The following TRDMT1 variants were observed in gnomAD, a reference collection of about 807,000 sequenced individuals.
TRDMT1 encodes the protein tRNA (cytosine(38)-C(5))-methyltransferase.
TRDMT1 carries 49 observed loss-of-function variants against 51.2 expected under a neutral mutation model. That is an observed-to-expected ratio of 0.96 (90% CI 0.76 to 1.21). The LOEUF (loss-of-function observed/expected upper bound fraction) is 1.21. TRDMT1 is among the 50% of genes most tolerant of loss of function. The pLI, the probability that TRDMT1 is intolerant of heterozygous loss-of-function variation, is 0.00. For synonymous variants in TRDMT1, 187 were observed against 164.6 expected, an observed-to-expected ratio of 1.14 and a Z score of -1.04; for missense variants, 534 against 462.3, an observed-to-expected ratio of 1.16 and a Z score of -1.42.
chr10:17,168,374 G>A (rs562949164), intron 3 of TRDMT1, among the ~76,000 whole-genome samples: 37 of 151,986 alleles, frequency 2.4e-4, no homozygotes, highest in Admixed American at 3.9e-4. Flanking sequence ...AAAAATTTCC[G>A]AACTATGAAA....
chr10:17,168,935 A>G lies in TRDMT1; in HGVS notation c.175-18T>C. 1 of 1,549,142 alleles carries G rather than the reference A, an allele frequency of 6.5e-7. No homozygotes were observed. The highest frequency in any genetic ancestry group is 8.8e-7 in the Non-Finnish European group (1 of 1,133,562). ...GTAATGCCCTGAGGAATGAACATTT[A>G]GGGGGAAAAAAGAACATAAAAACAT... On this transcript the variant is annotated intron_variant, in intron 2 of 10. Transcript: ENST00000377799.
chr10:17,167,708 T>C (rs932743620), intron 3 of TRDMT1, among the ~76,000 whole-genome samples: 1 of 152,230 alleles, frequency 6.6e-6, no homozygotes, highest in African/African-American at 2.4e-5. Context: ...AATGTACATA[T>C]GAATTTTAAG....
Position 17,144,462 on chromosome 10 carries a change from T to C in TRDMT1, c.*4578A>G, listed in dbSNP as rs1405600347. 3.0e-6 allele frequency: 3 copies of C among 985,718 alleles called. No homozygotes were observed. Among genetic ancestry groups the C allele is most frequent in the South Asian group, 4.7e-5 (1 of 21,290 alleles). The allele number at this position is 985,718 out of a possible 1,614,324, so 61.1% of individuals were successfully genotyped here. ...GTGAAAATTTCCGGTCTCATATTTA[T>C]AGGAAAAATGAGATTTTGGAAGCTT... On this transcript the variant is annotated 3_prime_UTR_variant, in exon 11 of 11. Transcript: ENST00000377799.
Position 17,145,783 on chromosome 10 carries a change from G to A in TRDMT1, c.*3257C>T. ...GAGCAACCAGAGTGACTTTGGTTTG[G>A]ATGCAGATGCAGCTGGCCTGCAGAA... On this transcript the variant is annotated 3_prime_UTR_variant, in exon 11 of 11. Coordinates refer to ENST00000377799, the MANE Select transcript of TRDMT1 (RefSeq NM_004412.7). The A allele has an allele frequency of 1.0e-6, 1 of 985,410 alleles. No homozygotes were observed. The highest frequency in any genetic ancestry group is 1.2e-6 in the Non-Finnish European group (1 of 829,930). 61.0% of individuals were successfully genotyped at this position (985,410 alleles called of 1,614,324 possible). A position where few individuals can be genotyped will look rare whatever the true frequency, so the allele number is the denominator to read the frequency against.
chr10:17,148,050 T>TG lies in TRDMT1; in HGVS notation c.*989dup. Reference sequence around the variant, plus strand: ...TGTTTCTTTTCATCTCTCTTCTCTTTGTCACTTGCTTTTATCACAAACCAT... The same window carrying TG: ...TGTTTCTTTTCATCTCTCTTCTCTTTGGTCACTTGCTTTTATCACAAACCAT... On this transcript the variant is annotated 3_prime_UTR_variant, in exon 11 of 11. Coordinates refer to ENST00000377799, the MANE Select transcript of TRDMT1 (RefSeq NM_004412.7). 1.0e-6 allele frequency: 1 copy of TG among 985,352 alleles called. No homozygotes were observed. Among genetic ancestry groups the TG allele is most frequent in the South Asian group, 4.7e-5 (1 of 21,280 alleles). The allele number at this position is 985,352 out of a possible 1,614,324, so 61.0% of individuals were successfully genotyped here. A position where few individuals can be genotyped will look rare whatever the true frequency, so the allele number is the denominator to read the frequency against.
intron 1 of TRDMT1, among the ~76,000 whole-genome samples, chr10:17,175,714 T>C (rs1045478716): frequency 2.0e-5 from 3 of 147,812 alleles, no homozygotes; most frequent in African/African-American, 7.5e-5. Context: ...CTAGGACTCA[T>C]GCAGCAGGCA....
chr10:17,177,045 T>A (rs1479648041), intron 1 of TRDMT1, among the ~76,000 whole-genome samples: 1 of 152,070 alleles, frequency 6.6e-6, no homozygotes, highest in African/African-American at 2.4e-5. Context: ...GGATGTGTTT[T>A]CAGTACTTTG....
chr10:17,146,290 T>A lies in TRDMT1; in HGVS notation c.*2750A>T. On this transcript the variant is annotated 3_prime_UTR_variant, in exon 11 of 11. Transcript: ENST00000377799. ...ATAAGTTGGCTGAAGGTTGGAGGTA[T>A]TTTCTCATCTTTCCAGACATAGGGC... 5 of 985,416 alleles carry A rather than the reference T, an allele frequency of 5.1e-6. No individual in the cohort carries two copies. Among genetic ancestry groups the A allele is most frequent in the Non-Finnish European group, 6.0e-6 (5 of 829,938 alleles). 61.0% of individuals were successfully genotyped at this position (985,416 alleles called of 1,614,324 possible).
At chr10:17,188,482 C>G (rs1318515464) in intron 1 of TRDMT1, among the ~76,000 whole-genome samples, 5 of 152,062 alleles carry the variant, frequency 3.3e-5, no homozygotes, top group Middle Eastern at 6.8e-3. Context: ...GCTCTGGCTC[C>G]AGGCAGAGAT....
rs963476454 is a variant in TRDMT1 at position 17,181,395 on chromosome 10, A to G, written c.65-6735T>C. The stretch of plus-strand genomic sequence containing the variant: ...GGCTCCCTCACTAGACTACTCAATC[A>G]TCTCAGTGCTGACACCATGTCTCAT... On this transcript the variant is annotated intron_variant, in intron 1 of 10. Coordinates refer to ENST00000377799, the MANE Select transcript of TRDMT1 (RefSeq NM_004412.7). Among the ~76,000 whole-genome samples, 6 of 152,096 alleles carry G rather than the reference A, an allele frequency of 3.9e-5. 1 individual carries two copies. The South Asian group carries it at 1.0e-3, about 26-fold the overall frequency.
intron 10 of TRDMT1, chr10:17,151,652 T>C (rs1313247661): frequency 6.2e-6 from 6 of 966,252 alleles, no homozygotes; most frequent in Non-Finnish European, 7.4e-6. Context: ...TATACATATA[T>C]ATTCAAAGAG....
At chr10:17,150,327 C>G in intron 10 of TRDMT1, 2 of 958,504 alleles carry the variant, frequency 2.1e-6, no homozygotes, top group Non-Finnish European at 2.5e-6. Context: ...TTGGATTTCT[C>G]TTTTTTTAAT....
intron 3 of TRDMT1, among the ~76,000 whole-genome samples, chr10:17,168,218 G>T (rs992123953): frequency 6.6e-6 from 1 of 152,132 alleles, no homozygotes; most frequent in Non-Finnish European, 1.5e-5. Context: ...CAGGAGGATT[G>T]CTTGAACCTG....
In TRDMT1 at chr10:17,145,956, A is replaced by C; in HGVS notation, c.*3084T>G. 1 of 985,438 alleles carries C rather than the reference A, an allele frequency of 1.0e-6. No individual in the cohort carries two copies. Among genetic ancestry groups the C allele is most frequent in the Non-Finnish European group, 1.2e-6 (1 of 829,948 alleles). 61.0% of individuals were successfully genotyped at this position (985,438 alleles called of 1,614,324 possible). On this transcript the variant is annotated 3_prime_UTR_variant, in exon 11 of 11. Transcript: ENST00000377799. ...TCCAGCTTAATCACTCTAGACCTCA[A>C]CTAGGTTGAGATGGGAGCAAAAACC...
intron 10 of TRDMT1, chr10:17,151,007 ATG>A (rs150768937): frequency 5.7e-4 from 560 of 974,056 alleles, no homozygotes; most frequent in Non-Finnish European, 6.2e-4. Flanking sequence ...GTGTGTGTGC[ATG>A]TGTGTGTGTG....
At chr10:17,152,897 C>T (rs1838948988) in intron 10 of TRDMT1, 1 of 152,552 alleles carries the variant, frequency 6.6e-6, no homozygotes, top group South Asian at 2.1e-4. Flanking sequence ...CTTTCATTAA[C>T]TCTGTGTCAA....
intron 10 of TRDMT1, among the ~76,000 whole-genome samples, chr10:17,152,462 C>A (rs914877641): frequency 6.6e-6 from 1 of 152,182 alleles, no homozygotes; most frequent in Non-Finnish European, 1.5e-5. Flanking sequence ...ATCTATTAAA[C>A]CCATTATTTA....
At chr10:17,151,271 T>C in intron 10 of TRDMT1, 1 of 978,984 alleles carries the variant, frequency 1.0e-6, no homozygotes, top group Non-Finnish European at 1.2e-6. Context: ...CTTAGATACA[T>C]TAAAAATAAC....
intron 1 of TRDMT1, among the ~76,000 whole-genome samples, chr10:17,190,325 T>C (rs936005378): frequency 3.3e-5 from 5 of 152,062 alleles, no homozygotes; most frequent in Admixed American, 1.3e-4. Flanking sequence ...TTATTTATCA[T>C]TATGATAATA....
Sources: gnomAD v4.1 joint callset for allele counts (sites outside exome capture counted in the v4.1 genomes callset) on GRCh38, gnomAD v4.1.1 for gene constraint, MANE v1.5 for transcripts, NCBI Gene and HGNC (gene_info 2026-07-23, HGNC 2026-07-21) for gene names.